The following RNF2 variants were observed in gnomAD, a reference collection of about 807,000 sequenced individuals.
RNF2 encodes E3 ubiquitin-protein ligase RING2.
A neutral mutation model predicts 37.2 loss-of-function variants in RNF2; 6 were observed. That is an observed-to-expected ratio of 0.16 (90% CI 0.09 to 0.32). RNF2 has a LOEUF of 0.32. RNF2 is among the 10% of genes least tolerant of loss of function. The pLI, the probability that RNF2 is intolerant of heterozygous loss-of-function variation, is 1.00. For missense variants in RNF2, 251 were observed against 404.0 expected (o/e 0.62, Z 3.25); for synonymous variants, 133 against 132.7 (o/e 1.00, Z -0.02).
rs1650185541 is a variant in RNF2, at chr1:185,048,744, A to C, written c.-3+3095A>C. Among the ~76,000 whole-genome samples, 4 of 152,168 alleles carry C rather than the reference A, an allele frequency of 2.6e-5. No homozygotes were observed. In the South Asian group the frequency reaches 6.2e-4, roughly 24 times the overall value. The stretch of plus-strand genomic sequence containing the variant: ...AGAGGTTAGATTCTAAAGTCGATGC[A>C]TAGAATGAAAATCACATGTAGTAAA... On this transcript the variant is annotated intron_variant, in intron 1 of 6. Coordinates refer to ENST00000367510, the MANE Select transcript of RNF2 (RefSeq NM_007212.4).
chr1:185,078,771 G>A (rs972001480), intron 1 of RNF2, among the ~76,000 whole-genome samples: 4 of 151,428 alleles, frequency 2.6e-5, no homozygotes, highest in Non-Finnish European at 2.9e-5. Context: ...TTCGCCAGGC[G>A]TAGTGGCTCA....
chr1:185,078,667 T>C (rs1050193907), intron 1 of RNF2, among the ~76,000 whole-genome samples: 1 of 152,190 alleles, frequency 6.6e-6, no homozygotes. Context: ...CCCAGCACTT[T>C]GGGAGGCCGA....
At chr1:185,087,507 C>G (rs578097549) in intron 1 of RNF2, 45 bp from the exon 2 acceptor site, 50 of 1,516,934 alleles carry the variant, frequency 3.3e-5, no homozygotes, top group Non-Finnish European at 4.3e-5. Context: ...CATAGCACTT[C>G]CCTTCCAAAT....
At chr1:185,060,016 A>G (rs1650553196) in intron 1 of RNF2, among the ~76,000 whole-genome samples, 1 of 152,220 alleles carries the variant, frequency 6.6e-6, no homozygotes, top group Non-Finnish European at 1.5e-5. Flanking sequence ...AGGGAATGTT[A>G]CTGTGACTTC....
intron 1 of RNF2, among the ~76,000 whole-genome samples, chr1:185,054,618 A>G (rs1650375991): frequency 1.3e-5 from 2 of 152,146 alleles, no homozygotes; most frequent in South Asian, 2.1e-4. Flanking sequence ...GCGGGGCCTG[A>G]ATTCCTAAAT....
intron 4 of RNF2, among the ~76,000 whole-genome samples, chr1:185,094,255 G>C (rs1284421724): frequency 6.6e-6 from 1 of 151,914 alleles, no homozygotes; most frequent in Non-Finnish European, 1.5e-5. Flanking sequence ...CGATTCTCCT[G>C]CTTTAGCGTC....
chr1:185,093,937 G>T lies in RNF2; in HGVS notation c.464+661G>T, dbSNP rs568510983. Among the ~76,000 whole-genome samples, 83 of 151,912 alleles carry T rather than the reference G, an allele frequency of 5.5e-4. 1 individual carries two copies. Among genetic ancestry groups the T allele is most frequent in the African/African-American group, 1.9e-3 (79 of 41,290 alleles). On this transcript the variant is annotated intron_variant, in intron 4 of 6. Coordinates refer to ENST00000367510, the MANE Select transcript of RNF2 (RefSeq NM_007212.4). ...TAGTTTTATTTACCATCTGTATGCT[G>T]ATGACTCCCAAATTTATATATCCAG...
At chr1:185,075,055 C>T (rs1222482360) in intron 1 of RNF2, among the ~76,000 whole-genome samples, 3 of 151,926 alleles carry the variant, frequency 2.0e-5, no homozygotes, top group South Asian at 2.1e-4. Flanking sequence ...GAGTGAGTGG[C>T]GTGATCTCAG....
At chr1:185,095,276 G>A (rs181980669) in intron 4 of RNF2, among the ~76,000 whole-genome samples, 7 of 152,308 alleles carry the variant, frequency 4.6e-5, no homozygotes, top group Admixed American at 3.3e-4. Context: ...TGGTGGGGCT[G>A]TATGATAGGC....
At chr1:185,087,721 A>G (rs1166977519) in intron 2 of RNF2, 81 bp downstream of exon 2, 8 of 958,878 alleles carry the variant, frequency 8.3e-6, no homozygotes, top group Non-Finnish European at 1.3e-5. Flanking sequence ...ACTTAAATAG[A>G]ACATAGAGTA....
chr1:185,100,077 G>C, intron 6 of RNF2, 115 bp downstream of exon 6: 1 of 1,204,414 alleles, frequency 8.3e-7, no homozygotes, highest in Non-Finnish European at 1.2e-6. Context: ...ACAGTGTTAA[G>C]TGACAAGTAG....
chr1:185,089,830 G>C (rs941737250), intron 2 of RNF2, among the ~76,000 whole-genome samples: 3 of 151,944 alleles, frequency 2.0e-5, no homozygotes, highest in Non-Finnish European at 2.9e-5. Flanking sequence ...AGGAGTTTGC[G>C]GCCAGCCTGG....
intron 1 of RNF2, among the ~76,000 whole-genome samples, chr1:185,082,154 C>G (rs934863093): frequency 6.6e-6 from 1 of 152,076 alleles, no homozygotes. Context: ...ACCCACTTAT[C>G]GAGCTTTTTC....
chr1:185,062,820 C>CCCA (rs1553239533), intron 1 of RNF2, among the ~76,000 whole-genome samples: 61 of 148,364 alleles, frequency 4.1e-4, no homozygotes, highest in African/African-American at 1.3e-3. Flanking sequence ...TCCCCCCCCC[C>CCCA]AAAAAAAGGC....
intron 1 of RNF2, among the ~76,000 whole-genome samples, chr1:185,064,042 C>G (rs916057796): frequency 6.6e-6 from 1 of 152,160 alleles, no homozygotes; most frequent in South Asian, 2.1e-4. Flanking sequence ...TGCACAAATT[C>G]TGGGGATTAG....
At chr1:185,082,364 T>TTTTTTTTTTTTTTG (rs1173750596) in intron 1 of RNF2, among the ~76,000 whole-genome samples, 1 of 114,890 alleles carries the variant, frequency 8.7e-6, no homozygotes, top group Non-Finnish European at 1.9e-5. Flanking sequence ...TTTTTTTTTT[T>TTTTTTTTTTTTTTG]TTTGAAGACA....
At chr1:185,082,152 A>G (rs986536196) in intron 1 of RNF2, among the ~76,000 whole-genome samples, 2 of 152,090 alleles carry the variant, frequency 1.3e-5, no homozygotes, top group South Asian at 2.1e-4. Flanking sequence ...ACACCCACTT[A>G]TCGAGCTTTT....
intron 1 of RNF2, among the ~76,000 whole-genome samples, chr1:185,060,030 C>A (rs981092161): frequency 2.0e-5 from 3 of 152,164 alleles, no homozygotes; most frequent in South Asian, 2.1e-4. Flanking sequence ...TGACTTCTTG[C>A]GTTGCCACTT....
At chr1:185,095,098 ACT>A (rs1651874972) in intron 4 of RNF2, among the ~76,000 whole-genome samples, 1 of 152,056 alleles carries the variant, frequency 6.6e-6, no homozygotes. Flanking sequence ...CTGACCTACC[ACT>A]CTGTTTACCA....
Sources: gnomAD v4.1 joint callset for allele counts (sites outside exome capture counted in the v4.1 genomes callset) on GRCh38, gnomAD v4.1.1 for gene constraint, MANE v1.5 for transcripts, NCBI Gene and HGNC (gene_info 2026-07-23, HGNC 2026-07-21) for gene names.